The following PCDHA1 variants were observed in gnomAD, a reference collection of about 807,000 sequenced individuals.
PCDHA1 encodes protocadherin alpha-1.
In PCDHA1, 42 loss-of-function variants were observed where a neutral mutation model predicts 61.3. The ratio of observed to expected loss-of-function variants is 0.69; its 90% CI spans 0.54 to 0.89. PCDHA1 has a LOEUF of 0.89. PCDHA1 is among the 40% of genes least tolerant of loss of function. The pLI, the probability that PCDHA1 is intolerant of heterozygous loss-of-function variation, is 0.00. For synonymous variants in PCDHA1, 610 were observed against 553.8 expected (o/e 1.10, Z -1.43); for missense variants, 1,256 against 1,235.3 (o/e 1.02, Z -0.25).
intron 2 of PCDHA1, among the ~76,000 whole-genome samples, chr5:140,979,425 A>G (rs1009935948): frequency 2.0e-5 from 3 of 151,814 alleles, no homozygotes; most frequent in African/African-American, 7.3e-5. Context: ...TTTTAATCTC[A>G]CATTGGCTAT....
chr5:140,833,757 C>A (rs1554133954), intron 1 of PCDHA1, among the ~76,000 whole-genome samples: 1 of 151,886 alleles, frequency 6.6e-6, no homozygotes, highest in Admixed American at 6.6e-5. Context: ...AGAAAACACA[C>A]ACACACACAC....
At chr5:140,838,077 AGTGTGTGTG>A (rs1443750865) in intron 1 of PCDHA1, among the ~76,000 whole-genome samples, 47 of 80,696 alleles carry the variant, frequency 5.8e-4, no homozygotes, top group South Asian at 1.3e-3. Flanking sequence ...ATATATATAT[AGTGTGTGTG>A]TGTGTGTGTG....
intron 1 of PCDHA1, chr5:140,803,047 G>A: frequency 6.2e-7 from 1 of 1,614,018 alleles, no homozygotes; most frequent in Non-Finnish European, 8.5e-7. Context: ...GGGACCGGCG[G>A]TGCGCGCATC....
intron 1 of PCDHA1, among the ~76,000 whole-genome samples, chr5:140,942,119 A>T (rs1180591078): frequency 6.6e-6 from 1 of 152,242 alleles, no homozygotes; most frequent in African/African-American, 2.4e-5. Context: ...AACTTTATTA[A>T]AGGTGATATT....
At chr5:140,827,829 G>A (rs1007724850) in intron 1 of PCDHA1, 4 of 411,314 alleles carry the variant, frequency 9.7e-6, no homozygotes, top group African/African-American at 8.0e-5. Context: ...TATAAAAGTA[G>A]AGAAAAGAAG....
At chr5:140,935,616 C>T (rs1247673748) in intron 1 of PCDHA1, among the ~76,000 whole-genome samples, 13 of 151,976 alleles carry the variant, frequency 8.6e-5, no homozygotes, top group African/African-American at 3.1e-4. Flanking sequence ...TTTTTCAAGT[C>T]GCTTTCAAAT....
At chr5:140,846,097 A>G (rs1554141144) in intron 1 of PCDHA1, among the ~76,000 whole-genome samples, 1 of 149,760 alleles carries the variant, frequency 6.7e-6, no homozygotes, top group African/African-American at 2.4e-5. Context: ...CCTTCCAAGG[A>G]ATGTGTAGAC....
intron 1 of PCDHA1, chr5:140,808,868 A>C: frequency 6.2e-7 from 1 of 1,613,184 alleles, no homozygotes; most frequent in Non-Finnish European, 8.5e-7. Flanking sequence ...CGAAAACGAC[A>C]ACGCGCCAGC....
chr5:140,857,908 G>A (rs782073504), intron 1 of PCDHA1: 2 of 1,597,838 alleles, frequency 1.3e-6, no homozygotes, highest in Non-Finnish European at 1.7e-6. Flanking sequence ...CACGCATCCC[G>A]TTTCGCGTGG....
chr5:140,807,042 T>C, intron 1 of PCDHA1: 1 of 977,290 alleles, frequency 1.0e-6, no homozygotes, highest in Non-Finnish European at 1.5e-6. Flanking sequence ...AAGGGAAAAT[T>C]CCTTCTATTC....
intron 1 of PCDHA1, chr5:140,834,345 C>T: frequency 2.0e-6 from 3 of 1,521,606 alleles, no homozygotes; most frequent in Non-Finnish European, 2.7e-6. Context: ...AATTCGAAGG[C>T]AAGTTTTGCT....
chr5:140,946,611 A>AATATATATATATATATATATATAT (rs1554217734), intron 1 of PCDHA1, among the ~76,000 whole-genome samples: 1,222 of 86,096 alleles, frequency 0.014, 42 homozygotes, highest in African/African-American at 0.029. Context: ...GAAAATGTGA[A>AATATATATATATATATATATATAT]ATATATATAT....
At chr5:140,796,090 G>A in intron 1 of PCDHA1, 3 of 1,614,160 alleles carry the variant, frequency 1.9e-6, no homozygotes, top group Non-Finnish European at 2.5e-6. Context: ...CACGGTGTCG[G>A]ATCGCGACTC....
chr5:140,909,684 GT>G (rs2074636344), intron 1 of PCDHA1, among the ~76,000 whole-genome samples: 1 of 152,220 alleles, frequency 6.6e-6, no homozygotes, highest in Non-Finnish European at 1.5e-5. Context: ...GGGAGCCAAT[GT>G]GGGGGTTCTG....
At chr5:140,955,929 C>T (rs567378851) in intron 1 of PCDHA1, among the ~76,000 whole-genome samples, 1 of 152,252 alleles carries the variant, frequency 6.6e-6, no homozygotes, top group East Asian at 1.9e-4. Flanking sequence ...GGAGTTCATT[C>T]ATAATATGGC....
At chr5:140,957,851 T>TG (rs2095389296) in intron 1 of PCDHA1, among the ~76,000 whole-genome samples, 1 of 136,014 alleles carries the variant, frequency 7.4e-6, no homozygotes. Flanking sequence ...AGAGTTTGTG[T>TG]ATTTTTTTTC....
intron 1 of PCDHA1, chr5:140,841,417 C>T (rs1242106171): frequency 1.2e-6 from 2 of 1,612,932 alleles, no homozygotes; most frequent in African/African-American, 1.3e-5. Flanking sequence ...GCCAGCTCCA[C>T]TACTCCGTCC....
At position 140,857,973 on chromosome 5, in the gene PCDHA1, C is replaced by G. The variant is rs114376757; in HGVS notation, c.2394+69289C>G. On this transcript the variant is annotated intron_variant, in intron 1 of 3. Transcript: ENST00000504120. ...CGCGCTCTGGATGAGACTGACTCGC[C>G]ACGCCAGCGCCTACTGGTGCTGGTG... is the stretch of plus-strand genomic sequence containing the variant. The G allele has an allele frequency of 3.1e-3, 4,989 of 1,596,810 alleles. 388 individuals carry two copies. In the African/African-American group the frequency reaches 0.058, roughly 19 times the overall value.
chr5:140,967,034 C>T (rs782810130), intron 1 of PCDHA1: 9 of 1,610,726 alleles, frequency 5.6e-6, no homozygotes, highest in Non-Finnish European at 2.5e-6. Flanking sequence ...TCCGCGCTAC[C>T]TGGAGCTGGA....
Sources: gnomAD v4.1 joint callset for allele counts (sites outside exome capture counted in the v4.1 genomes callset) on GRCh38, gnomAD v4.1.1 for gene constraint, MANE v1.5 for transcripts, NCBI Gene and HGNC (gene_info 2026-07-23, HGNC 2026-07-21) for gene names.